Variants in INSYN2B observed in about 807,000 individuals in gnomAD.
The protein encoded by INSYN2B is protein INSYN2B.
A neutral mutation model predicts 41.2 loss-of-function variants in INSYN2B; 16 were observed. The ratio of observed to expected loss-of-function variants is 0.39; its 90% CI spans 0.26 to 0.59. INSYN2B has a LOEUF of 0.59. INSYN2B is among the 20% of genes least tolerant of loss of function. INSYN2B has a pLI of 0.57. For missense variants in INSYN2B, 608 were observed against 646.4 expected, an observed-to-expected ratio of 0.94 and a Z score of 0.64; for synonymous variants, 245 against 244.4, an observed-to-expected ratio of 1.00 and a Z score of -0.02.
intron 1 of INSYN2B, among the ~76,000 whole-genome samples, chr5:169,901,460 G>A (rs1773920080): frequency 6.6e-6 from 1 of 152,072 alleles, no homozygotes; most frequent in Non-Finnish European, 1.5e-5. Context: ...TGTGTGTGTA[G>A]GAGAGAGGTA....
chr5:169,941,120 A>AGGGAAAGCACAGGGTGTC (rs1243591418), intron 1 of INSYN2B, among the ~76,000 whole-genome samples: 4 of 152,194 alleles, frequency 2.6e-5, no homozygotes, highest in Admixed American at 2.6e-4. Context: ...CGCGCCCCGA[A>AGGGAAAGCACAGGGTGTC]GGGAAAGCAC....
chr5:169,943,199 T>C (rs998198434), intron 1 of INSYN2B, among the ~76,000 whole-genome samples: 5 of 152,208 alleles, frequency 3.3e-5, no homozygotes, highest in Non-Finnish European at 4.4e-5. Context: ...CTTTGGAGCA[T>C]GCTTCAGGAA....
chr5:169,970,433 CTTTG>C (rs1475825417), intron 1 of INSYN2B, among the ~76,000 whole-genome samples: 2 of 152,194 alleles, frequency 1.3e-5, no homozygotes, highest in Non-Finnish European at 2.9e-5. Flanking sequence ...AGAACAATCA[CTTTG>C]TTTGTAGGAA....
chr5:169,972,215 T>C (rs1777529730), intron 1 of INSYN2B, among the ~76,000 whole-genome samples: 1 of 152,236 alleles, frequency 6.6e-6, no homozygotes, highest in South Asian at 2.1e-4. Flanking sequence ...TCCCTGAATA[T>C]TTCTACCCTC....
At position 169,908,581 on chromosome 5, in the gene INSYN2B, A is replaced by G. The variant is rs1296857062; in HGVS notation, c.-918-23765T>C. Among the ~76,000 whole-genome samples, 6 of 152,308 alleles carry G rather than the reference A, an allele frequency of 3.9e-5. No individual in the cohort carries two copies. In the East Asian group the frequency reaches 9.6e-4, roughly 24 times the overall value. Reference sequence around the variant, plus strand: ...ATATGGGTCCTGGACGTTTTTGTCTATCTATAAATGCCAAGCAACATATTG... The same window carrying G: ...ATATGGGTCCTGGACGTTTTTGTCTGTCTATAAATGCCAAGCAACATATTG... On this transcript the variant is annotated intron_variant, in intron 1 of 3. Coordinates refer to ENST00000377365, the MANE Select transcript of INSYN2B (RefSeq NM_001129891.3).
intron 1 of INSYN2B, among the ~76,000 whole-genome samples, chr5:169,956,913 C>T (rs1776890054): frequency 6.6e-6 from 1 of 152,140 alleles, no homozygotes. Flanking sequence ...TGCCTGGTTT[C>T]TGTCCCTGGA....
chr5:169,973,682 A>G (rs1273124664), intron 1 of INSYN2B, among the ~76,000 whole-genome samples: 2 of 152,188 alleles, frequency 1.3e-5, no homozygotes, highest in East Asian at 1.9e-4. Context: ...CGGTATTGGT[A>G]CCTCATACAG....
intron 1 of INSYN2B, among the ~76,000 whole-genome samples, chr5:169,926,482 G>A (rs1385273515): frequency 6.6e-6 from 1 of 152,168 alleles, no homozygotes; most frequent in Non-Finnish European, 1.5e-5. Flanking sequence ...GTGAGCTCAG[G>A]TGGCCATGTT....
intron 1 of INSYN2B, among the ~76,000 whole-genome samples, chr5:169,920,384 A>G (rs33369): frequency 0.41 from 62,545 of 152,144 alleles, 13,766 homozygotes; most frequent in African/African-American, 0.57. Flanking sequence ...GGAAGAAAAC[A>G]AAATACTTTC....
chr5:169,913,858 T>C (rs1476058488), intron 1 of INSYN2B, among the ~76,000 whole-genome samples: 2 of 152,248 alleles, frequency 1.3e-5, no homozygotes, highest in Non-Finnish European at 2.9e-5. Flanking sequence ...TTTTGTATAC[T>C]GAGCAAGAAG....
At chr5:169,881,286 TGCA>T in intron 3 of INSYN2B, 79 bp downstream of exon 3, 2 of 1,172,278 alleles carry the variant, frequency 1.7e-6, no homozygotes, top group Admixed American at 2.2e-5. Flanking sequence ...CTTGACTTTT[TGCA>T]TTTAAAAGTT....
At chr5:169,876,184 A>T (rs1772323028) in intron 3 of INSYN2B, among the ~76,000 whole-genome samples, 1 of 151,974 alleles carries the variant, frequency 6.6e-6, no homozygotes, top group Non-Finnish European at 1.5e-5. Flanking sequence ...GGCCCTTGTG[A>T]TTACACTGGG....
rs370105611 is a variant in INSYN2B at position 169,959,065 on chromosome 5, G to T, written c.-919+21212C>A. ...AACATATGAAAATGTAGGTAGCATT[G>T]CAGAATATTCTGATGAGTAGAAATC... On this transcript the variant is annotated intron_variant, in intron 1 of 3. Coordinates refer to ENST00000377365, the MANE Select transcript of INSYN2B (RefSeq NM_001129891.3). Among the ~76,000 whole-genome samples, 26 of 152,222 alleles carry T rather than the reference G, an allele frequency of 1.7e-4. 1 individual carries two copies. In the South Asian group the frequency reaches 5.0e-3, roughly 29 times the overall value.
intron 1 of INSYN2B, among the ~76,000 whole-genome samples, chr5:169,978,477 G>A (rs1777814852): frequency 6.6e-6 from 1 of 150,576 alleles, no homozygotes. Flanking sequence ...AAAATTATTG[G>A]CATTGTCAAT....
chr5:169,943,794 CT>C (rs994040440), intron 1 of INSYN2B, among the ~76,000 whole-genome samples: 16 of 152,166 alleles, frequency 1.1e-4, no homozygotes, highest in African/African-American at 3.9e-4. Flanking sequence ...GTCCAGGGAC[CT>C]GTGTTTTAGC....
intron 1 of INSYN2B, among the ~76,000 whole-genome samples, chr5:169,915,612 A>T (rs1416207281): frequency 6.7e-6 from 1 of 149,302 alleles, no homozygotes; most frequent in Non-Finnish European, 1.5e-5. Context: ...AGAGGGAGGG[A>T]GGGGAGAGAG....
chr5:169,943,932 T>C (rs1776344541), intron 1 of INSYN2B, among the ~76,000 whole-genome samples: 1 of 152,152 alleles, frequency 6.6e-6, no homozygotes, highest in Non-Finnish European at 1.5e-5. Flanking sequence ...AGTGGGAAAA[T>C]TTAGAAAAGC....
At chr5:169,871,934 G>T (rs1772004791) in intron 3 of INSYN2B, among the ~76,000 whole-genome samples, 1 of 152,144 alleles carries the variant, frequency 6.6e-6, no homozygotes, top group Admixed American at 6.5e-5. Context: ...ATAATATCTG[G>T]GGTCAGCAAT....
At chr5:169,879,377 T>A (rs1239540114) in intron 3 of INSYN2B, among the ~76,000 whole-genome samples, 4 of 152,160 alleles carry the variant, frequency 2.6e-5, no homozygotes, top group Non-Finnish European at 5.9e-5. Context: ...TAAAAAAAAA[T>A]GACAACTCTC....
Sources: gnomAD v4.1 joint callset for allele counts (sites outside exome capture counted in the v4.1 genomes callset) on GRCh38, gnomAD v4.1.1 for gene constraint, MANE v1.5 for transcripts, NCBI Gene and HGNC (gene_info 2026-07-23, HGNC 2026-07-21) for gene names.